The following SELENOI variants were observed in gnomAD, a reference collection of about 807,000 sequenced individuals.
SELENOI encodes ethanolaminephosphotransferase 1.
Under a neutral mutation model 50.7 loss-of-function variants are expected in SELENOI, and 24 were observed. That is an observed-to-expected ratio of 0.47 (90% CI 0.34 to 0.67). SELENOI has a LOEUF of 0.67. Ranked by LOEUF, SELENOI falls within the 30% of genes least tolerant of loss-of-function variation. The probability of loss-of-function intolerance (pLI) is 0.01; values close to 1 mark genes in which losing one functional copy is unlikely to be tolerated. For missense variants in SELENOI, 352 were observed against 461.4 expected, an observed-to-expected ratio of 0.76 and a Z score of 2.17; for synonymous variants, 155 against 170.2, an observed-to-expected ratio of 0.91 and a Z score of 0.70.
chr2:26,375,166 G>A lies in SELENOI; in HGVS notation c.682+18G>A. The A allele has an allele frequency of 6.7e-7, 1 of 1,495,812 alleles. No individual in the cohort carries two copies. Among genetic ancestry groups the A allele is most frequent in the Non-Finnish European group, 9.3e-7 (1 of 1,078,660 alleles). The allele number at this position is 1,495,812 out of a possible 1,614,324, so 92.7% of individuals were successfully genotyped here. A position where few individuals can be genotyped will look rare whatever the true frequency, so the allele number is the denominator to read the frequency against. On this transcript the variant is annotated intron_variant, in intron 6 of 9. Coordinates refer to ENST00000260585, the MANE Select transcript of SELENOI (RefSeq NM_033505.4). ...GATTATTGGTAAGAAGCTCCATGTTGAAGCCTGTTTTAACCATCACTTTGT... is the reference window on the plus strand; with the variant it reads ...GATTATTGGTAAGAAGCTCCATGTTAAAGCCTGTTTTAACCATCACTTTGT...
At position 26,393,391 on chromosome 2, in the gene SELENOI, T is replaced by A. The variant is rs1390681040; in HGVS notation, c.*4288T>A. ...TAGATAGTAATCTATCTACTTTTTT[T>A]AAAGCAGGGATCTGCTCCCTATCTA... On this transcript the variant is annotated 3_prime_UTR_variant, in exon 10 of 10. Transcript: ENST00000260585. 4.6e-5 allele frequency: 7 copies of A among 152,758 alleles called. No individual in the cohort carries two copies. In the East Asian group the frequency reaches 9.6e-4, roughly 21 times the overall value. The allele number at this position is 152,758 out of a possible 1,614,324, so 9.5% of individuals were successfully genotyped here. A position where few individuals can be genotyped will look rare whatever the true frequency, so the allele number is the denominator to read the frequency against.
intron 6 of SELENOI, among the ~76,000 whole-genome samples, chr2:26,376,380 T>C (rs941064468): frequency 6.6e-6 from 1 of 152,240 alleles, no homozygotes; most frequent in Admixed American, 6.5e-5. Flanking sequence ...GTGACCCTTT[T>C]GATTGTCCCA....
rs1481143272 is a variant in SELENOI, at chr2:26,390,517, TTC to T, written c.*1416_*1417del. ...ATTGTTAAATTTAATTATAGTGTATTTCTTTCTTGAATTTCAGTCTGCTGCTT... is the reference window on the plus strand; with the variant it reads ...ATTGTTAAATTTAATTATAGTGTATTTTTCTTGAATTTCAGTCTGCTGCTT... On this transcript the variant is annotated 3_prime_UTR_variant, in exon 10 of 10. Coordinates refer to ENST00000260585, the MANE Select transcript of SELENOI (RefSeq NM_033505.4). The T allele has an allele frequency of 1.3e-5, 2 of 152,668 alleles. No homozygotes were observed. Among genetic ancestry groups the T allele is most frequent in the East Asian group, 3.8e-4 (2 of 5,204 alleles). 9.5% of individuals were successfully genotyped at this position (152,668 alleles called of 1,614,324 possible). A position where few individuals can be genotyped will look rare whatever the true frequency, so the allele number is the denominator to read the frequency against.
rs571599050 is a variant in SELENOI at position 26,391,871 on chromosome 2, T to C, written c.*2768T>C. On this transcript the variant is annotated 3_prime_UTR_variant, in exon 10 of 10. Transcript: ENST00000260585. The stretch of plus-strand genomic sequence containing the variant: ...GCTTTTATAAAGTGCAGTACACATT[T>C]TGACATTGCCACAGTTTACAGTGTC... 23 of 152,340 alleles carry C rather than the reference T, an allele frequency of 1.5e-4. No individual in the cohort carries two copies. Among genetic ancestry groups the C allele is most frequent in the African/African-American group, 5.3e-4 (22 of 41,578 alleles). The allele number at this position is 152,340 out of a possible 1,614,324, so 9.4% of individuals were successfully genotyped here.
intron 1 of SELENOI, among the ~76,000 whole-genome samples, chr2:26,359,655 A>T (rs1195257266): frequency 6.6e-6 from 1 of 152,098 alleles, no homozygotes; most frequent in Non-Finnish European, 1.5e-5. Flanking sequence ...AAAAAAGAAA[A>T]ATTAGACTGC....
At chr2:26,361,591 C>A (rs1410570460) in intron 1 of SELENOI, among the ~76,000 whole-genome samples, 1 of 151,974 alleles carries the variant, frequency 6.6e-6, no homozygotes, top group East Asian at 1.9e-4. Flanking sequence ...TGCTGAGAGG[C>A]TGGATGCAGC....
intron 8 of SELENOI, 85 bp downstream of exon 8, chr2:26,385,224 A>G: frequency 1.2e-6 from 1 of 817,294 alleles, no homozygotes. Flanking sequence ...TTAATATTAG[A>G]ATAAACAGAT....
At chr2:26,363,424 G>A (rs1257894783) in intron 1 of SELENOI, among the ~76,000 whole-genome samples, 1 of 152,142 alleles carries the variant, frequency 6.6e-6, no homozygotes, top group Non-Finnish European at 1.5e-5. Flanking sequence ...GAAGGTGTGT[G>A]GTTAGTGTGT....
intron 6 of SELENOI, among the ~76,000 whole-genome samples, chr2:26,382,425 A>G (rs1316555436): frequency 6.6e-6 from 1 of 152,248 alleles, no homozygotes; most frequent in African/African-American, 2.4e-5. Flanking sequence ...CTTAGCAGTC[A>G]GGAATGAAAA....
chr2:26,346,308 T>C lies in SELENOI; in HGVS notation c.57+19T>C. ...GTACAAGGTACCGCGGGCCGGCGGA[T>C]GCCCCTCTCCCTGCTCCCGGCCTCG... On this transcript the variant is annotated intron_variant, in intron 1 of 9. Coordinates refer to ENST00000260585, the MANE Select transcript of SELENOI (RefSeq NM_033505.4). 1 of 1,604,536 alleles carries C rather than the reference T, an allele frequency of 6.2e-7. No homozygotes were observed. The highest frequency in any genetic ancestry group is 1.1e-5 in the South Asian group (1 of 90,564).
chr2:26,348,404 C>T (rs1273541599), intron 1 of SELENOI, among the ~76,000 whole-genome samples: 1 of 152,196 alleles, frequency 6.6e-6, no homozygotes, highest in Non-Finnish European at 1.5e-5. Context: ...TTTATCTTCC[C>T]TAGAGGTATA....
chr2:26,382,911 C>T (rs1304237384), intron 6 of SELENOI, among the ~76,000 whole-genome samples: 8 of 152,144 alleles, frequency 5.3e-5, no homozygotes, highest in Non-Finnish European at 1.0e-4. Context: ...TGTGCAGTTT[C>T]AGTACCCCAT....
intron 1 of SELENOI, among the ~76,000 whole-genome samples, chr2:26,349,048 T>C (rs1040092264): frequency 1.5e-5 from 2 of 137,052 alleles, no homozygotes; most frequent in African/African-American, 5.5e-5. Context: ...GGAGGTTTGC[T>C]CTTGTTGCCC....
At chr2:26,385,663 G>A (rs183622530) in intron 8 of SELENOI, among the ~76,000 whole-genome samples, 2 of 152,322 alleles carry the variant, frequency 1.3e-5, no homozygotes, top group East Asian at 3.9e-4. Context: ...GAGATCAGGA[G>A]TTGAGAAAAG....
rs1227590820 is a variant in SELENOI, at chr2:26,391,965, T to A, written c.*2862T>A. 4.6e-5 allele frequency: 7 copies of A among 152,234 alleles called. No individual in the cohort carries two copies. The highest frequency in any genetic ancestry group is 4.6e-4 in the Admixed American group (7 of 15,274). 9.4% of individuals were successfully genotyped at this position (152,234 alleles called of 1,614,324 possible). A position where few individuals can be genotyped will look rare whatever the true frequency, so the allele number is the denominator to read the frequency against. On this transcript the variant is annotated 3_prime_UTR_variant, in exon 10 of 10. Coordinates refer to ENST00000260585, the MANE Select transcript of SELENOI (RefSeq NM_033505.4). ...TCTTAAGGGTAACAGAGTGAATACC[T>A]TCCAAATAAAAAGCTAAATATTCCT...
chr2:26,349,932 C>CAAAAAA (rs70950184), intron 1 of SELENOI, among the ~76,000 whole-genome samples: 8 of 55,254 alleles, frequency 1.4e-4, no homozygotes, highest in African/African-American at 2.5e-4. Context: ...CTCATCTCCA[C>CAAAAAA]AAAAAAAAAA....
chr2:26,384,495 G>T (rs1677798393), intron 7 of SELENOI, among the ~76,000 whole-genome samples: 1 of 152,156 alleles, frequency 6.6e-6, no homozygotes, highest in South Asian at 2.1e-4. Flanking sequence ...GATGTGGTAT[G>T]CCAGTCGCAC....
chr2:26,353,235 T>C (rs1011776207), intron 1 of SELENOI, among the ~76,000 whole-genome samples: 2 of 152,190 alleles, frequency 1.3e-5, no homozygotes, highest in Non-Finnish European at 1.5e-5. Flanking sequence ...AATACAATAG[T>C]GTTTTGCACA....
intron 1 of SELENOI, among the ~76,000 whole-genome samples, chr2:26,364,006 GTGC>G (rs2147949740): frequency 6.6e-6 from 1 of 151,658 alleles, no homozygotes; most frequent in African/African-American, 2.4e-5. Flanking sequence ...CCTTCCCGAA[GTGC>G]TAGGATTATA....
Sources: allele counts gnomAD v4.1 joint callset (sites outside exome capture counted in the v4.1 genomes callset), GRCh38; gene constraint gnomAD v4.1.1; transcripts MANE v1.5; gene names NCBI Gene and HGNC (gene_info 2026-07-23, HGNC 2026-07-21).